The following PCDH9 variants were observed in gnomAD, a reference collection of about 807,000 sequenced individuals.
PCDH9 encodes protocadherin-9.
PCDH9 carries 24 observed loss-of-function variants against 70.6 expected under a neutral mutation model. The observed-to-expected ratio is 0.34, with a 90% CI of 0.25 to 0.48. The LOEUF (loss-of-function observed/expected upper bound fraction) is 0.48. Among genes scored for constraint, PCDH9 ranks in the 20% least tolerant of loss-of-function variants. PCDH9 has a pLI of 0.99. For missense variants in PCDH9, 1,281 were observed against 1,503.6 expected (o/e 0.85, Z 2.45); for synonymous variants, 562 against 558.5 (o/e 1.01, Z -0.09).
chr13:66,830,355 G>T (rs568959054), intron 3 of PCDH9, among the ~76,000 whole-genome samples: 1 of 152,136 alleles, frequency 6.6e-6, no homozygotes, highest in African/African-American at 2.4e-5. Context: ...CATTAACGCT[G>T]CTTCATTACT....
At chr13:66,675,163 T>C (rs915940419) in intron 3 of PCDH9, among the ~76,000 whole-genome samples, 1 of 152,134 alleles carries the variant, frequency 6.6e-6, no homozygotes, top group African/African-American at 2.4e-5. Context: ...AAACCTATAC[T>C]CACATTTTGC....
chr13:67,198,673 G>A (rs2089136302), intron 2 of PCDH9, among the ~76,000 whole-genome samples: 1 of 151,622 alleles, frequency 6.6e-6, no homozygotes, highest in Admixed American at 6.6e-5. Flanking sequence ...CCTTTTTGGG[G>A]GACAGTCATA....
At chr13:66,747,222 G>A (rs2079382010) in intron 3 of PCDH9, among the ~76,000 whole-genome samples, 1 of 152,132 alleles carries the variant, frequency 6.6e-6, no homozygotes, top group African/African-American at 2.4e-5. Context: ...ATGGTGGTGT[G>A]TGCCTGTAAT....
intron 2 of PCDH9, among the ~76,000 whole-genome samples, chr13:67,073,612 A>G (rs771092439): frequency 2.0e-5 from 3 of 152,114 alleles, no homozygotes; most frequent in Non-Finnish European, 4.4e-5. Flanking sequence ...AAATGTACAT[A>G]GTTTTGAGAT....
chr13:66,573,501 A>T (rs2076765129), intron 4 of PCDH9, among the ~76,000 whole-genome samples: 1 of 151,590 alleles, frequency 6.6e-6, no homozygotes, highest in African/African-American at 2.4e-5. Flanking sequence ...TTTTGCCTGA[A>T]CCTCCTAAAT....
chr13:67,217,317 G>A (rs530658757), intron 2 of PCDH9: 6 of 150,030 alleles, frequency 4.0e-5, no homozygotes, highest in African/African-American at 1.2e-4. Flanking sequence ...CTATTGTCTT[G>A]CACAAAAACT....
chr13:66,933,310 T>C (rs2082847215), intron 2 of PCDH9, among the ~76,000 whole-genome samples: 1 of 152,178 alleles, frequency 6.6e-6, no homozygotes, highest in Non-Finnish European at 1.5e-5. Flanking sequence ...AAAGACAATA[T>C]TAAAGAATCA....
At chr13:66,717,432 A>G (rs1170083354) in intron 3 of PCDH9, among the ~76,000 whole-genome samples, 3 of 117,992 alleles carry the variant, frequency 2.5e-5, no homozygotes, top group Non-Finnish European at 3.3e-5. Flanking sequence ...AGCCTGGGTG[A>G]CAGAGCAAGA....
chr13:66,683,074 C>T (rs765882077), intron 3 of PCDH9, among the ~76,000 whole-genome samples: 9 of 152,216 alleles, frequency 5.9e-5, no homozygotes, highest in East Asian at 3.9e-4. Context: ...CTATTTGCAG[C>T]GGCAGTTGTC....
At chr13:67,196,751 G>A (rs1404642977) in intron 2 of PCDH9, among the ~76,000 whole-genome samples, 1 of 151,938 alleles carries the variant, frequency 6.6e-6, no homozygotes, top group African/African-American at 2.4e-5. Flanking sequence ...TGGAATGAGT[G>A]TTAGATTACC....
At chr13:66,973,670 C>T (rs1329294671) in intron 2 of PCDH9, among the ~76,000 whole-genome samples, 3 of 151,978 alleles carry the variant, frequency 2.0e-5, no homozygotes, top group African/African-American at 7.2e-5. Flanking sequence ...ATGATACAAA[C>T]CTTGGGTGAA....
chr13:67,080,462 C>T (rs1721610039), intron 2 of PCDH9, among the ~76,000 whole-genome samples: 1 of 152,120 alleles, frequency 6.6e-6, no homozygotes, highest in Non-Finnish European at 1.5e-5. Context: ...TTCAAAAATA[C>T]TATTGTGATG....
intron 4 of PCDH9, among the ~76,000 whole-genome samples, chr13:66,443,884 A>AT (rs761287661): frequency 4.6e-5 from 7 of 152,104 alleles, no homozygotes; most frequent in Non-Finnish European, 8.8e-5. Context: ...TTATTATCTG[A>AT]TTTTTTTGGA....
At chr13:66,915,379 G>C (rs1001573426) in intron 2 of PCDH9, among the ~76,000 whole-genome samples, 1 of 151,468 alleles carries the variant, frequency 6.6e-6, no homozygotes, top group Admixed American at 6.6e-5. Context: ...GATCTAACAA[G>C]TCCAAGTGAA....
intron 2 of PCDH9, among the ~76,000 whole-genome samples, chr13:67,100,127 C>A (rs1304381356): frequency 1.3e-5 from 2 of 152,174 alleles, no homozygotes; most frequent in Non-Finnish European, 2.9e-5. Flanking sequence ...TCCCCAGTCG[C>A]TAAGGAACTT....
intron 3 of PCDH9, among the ~76,000 whole-genome samples, chr13:66,862,396 G>A (rs1357107051): frequency 1.3e-5 from 2 of 152,126 alleles, no homozygotes; most frequent in Non-Finnish European, 2.9e-5. Context: ...TTTCAGAATC[G>A]AGAAATTGAG....
intron 2 of PCDH9, among the ~76,000 whole-genome samples, chr13:66,959,199 T>A (rs1160100953): frequency 6.6e-6 from 1 of 152,176 alleles, no homozygotes; most frequent in Non-Finnish European, 1.5e-5. Context: ...TTTTTCACAT[T>A]ACATGAAGCA....
intron 4 of PCDH9, among the ~76,000 whole-genome samples, chr13:66,437,022 A>G (rs1042209220): frequency 2.6e-5 from 4 of 151,720 alleles, no homozygotes; most frequent in Admixed American, 2.0e-4. Flanking sequence ...AGCAGATCAC[A>G]GTTCCTATTC....
In PCDH9 at chr13:66,548,675, G is replaced by A. The variant is rs184151040; in HGVS notation, c.3340+82535C>T. On this transcript the variant is annotated intron_variant, in intron 4 of 4. Transcript: ENST00000377865. Reference sequence around the variant, plus strand: ...TTGTTATGATCGTAATAACTATAGTGATATCCACTTTAAAAGGCCTACATT... The same window carrying A: ...TTGTTATGATCGTAATAACTATAGTAATATCCACTTTAAAAGGCCTACATT... Among the ~76,000 whole-genome samples the A allele has an allele frequency of 1.3e-3, 203 of 152,158 alleles. 1 individual carries two copies. Among genetic ancestry groups the A allele is most frequent in the African/African-American group, 4.7e-3 (194 of 41,494 alleles).
Sources: allele counts gnomAD v4.1 joint callset (sites outside exome capture counted in the v4.1 genomes callset), GRCh38; gene constraint gnomAD v4.1.1; transcripts MANE v1.5; gene names NCBI Gene and HGNC (gene_info 2026-07-23, HGNC 2026-07-21).